HYDIN: variants seen among roughly 807,000 people sequenced by gnomAD.
HYDIN encodes the protein HYDIN axonemal central pair apparatus protein, also known as axonemal central pair apparatus protein HYDIN.
In HYDIN, 132 loss-of-function variants were observed where a neutral mutation model predicts 403.9. The observed-to-expected ratio is 0.33, with a 90% CI of 0.28 to 0.38. The LOEUF is 0.38. HYDIN is among the 10% of genes least tolerant of loss of function. HYDIN has a pLI of 1.00. For missense variants in HYDIN, 2,827 were observed against 5,009.5 expected, an observed-to-expected ratio of 0.56 and a Z score of 13.15; for synonymous variants, 1,202 against 1,891.7, an observed-to-expected ratio of 0.64 and a Z score of 9.46.
intron 12 of HYDIN, among the ~76,000 whole-genome samples, chr16:71,083,582 C>T (rs1013693919): frequency 7.1e-6 from 1 of 141,832 alleles, no homozygotes; most frequent in Non-Finnish European, 1.5e-5. Context: ...CATTCCTCCA[C>T]CTTTTCACCA....
chr16:70,994,671 C>G (rs1050256143), intron 23 of HYDIN, among the ~76,000 whole-genome samples: 1 of 148,972 alleles, frequency 6.7e-6, no homozygotes, highest in Non-Finnish European at 1.5e-5. Flanking sequence ...ACAGCCTTCC[C>G]AGGCAATTCT....
intron 84 of HYDIN, among the ~76,000 whole-genome samples, chr16:70,810,640 A>C (rs1420939608): frequency 6.6e-6 from 1 of 152,068 alleles, no homozygotes; most frequent in African/African-American, 2.4e-5. Context: ...AACCAGGCTG[A>C]CCAACATGGT....
At chr16:70,909,974 G>A (rs1421659623) in intron 47 of HYDIN, among the ~76,000 whole-genome samples, 1 of 151,048 alleles carries the variant, frequency 6.6e-6, no homozygotes, top group Non-Finnish European at 1.5e-5. Flanking sequence ...TTACAGGCGT[G>A]AGCCACCGCG....
intron 10 of HYDIN, among the ~76,000 whole-genome samples, chr16:71,112,197 G>A (rs143503261): frequency 0.016 from 2,370 of 152,198 alleles, 25 homozygotes; most frequent in Non-Finnish European, 0.027. Context: ...TGTCAAGTGA[G>A]TATGAAGGCA....
chr16:70,995,437 G>A (rs937684852), intron 23 of HYDIN, among the ~76,000 whole-genome samples: 9 of 152,016 alleles, frequency 5.9e-5, no homozygotes, highest in Admixed American at 5.2e-4. Context: ...TCAGACACCC[G>A]CTCATCAGCA....
At chr16:71,175,039 C>A (rs1219775421) in intron 5 of HYDIN, among the ~76,000 whole-genome samples, 20 of 147,024 alleles carry the variant, frequency 1.4e-4, no homozygotes, top group Non-Finnish European at 2.0e-4. Flanking sequence ...GCCTATACCA[C>A]CATCAATGAC....
intron 5 of HYDIN, among the ~76,000 whole-genome samples, chr16:71,167,167 T>C (rs1164766702): frequency 6.6e-6 from 1 of 152,060 alleles, no homozygotes; most frequent in African/African-American, 2.4e-5. Context: ...GGTTTCCAGA[T>C]GGTAATGCCA....
intron 7 of HYDIN, among the ~76,000 whole-genome samples, chr16:71,150,662 T>C (rs3114616): frequency 0.67 from 100,311 of 149,056 alleles, 35,566 homozygotes; most frequent in African/African-American, 0.91. Context: ...TTTCCTAGCA[T>C]GGAGGCAAAA....
intron 30 of HYDIN, among the ~76,000 whole-genome samples, chr16:70,977,193 A>G (rs2078912494): frequency 6.9e-6 from 1 of 145,940 alleles, no homozygotes; most frequent in Admixed American, 7.0e-5. Context: ...CTGGCAGGAG[A>G]AGGCAGAGGC....
chr16:70,961,567 C>G (rs1361150528), intron 38 of HYDIN, among the ~76,000 whole-genome samples: 1 of 152,158 alleles, frequency 6.6e-6, no homozygotes, highest in Admixed American at 6.5e-5. Flanking sequence ...AAAATGGGGC[C>G]ATAATGCTGG....
At chr16:71,070,223 C>T (rs891931260) in intron 13 of HYDIN, among the ~76,000 whole-genome samples, 3 of 152,174 alleles carry the variant, frequency 2.0e-5, no homozygotes, top group Middle Eastern at 6.8e-3. Context: ...AAGCAATACA[C>T]TAAGCTCTGA....
intron 53 of HYDIN, among the ~76,000 whole-genome samples, chr16:70,899,788 C>G (rs778576009): frequency 1.6e-4 from 24 of 152,198 alleles, no homozygotes; most frequent in Non-Finnish European, 2.8e-4. Context: ...ATTAGAGAAG[C>G]CCAGTTGAAA....
At chr16:71,015,616 C>T (rs2080231324) in intron 23 of HYDIN, among the ~76,000 whole-genome samples, 2 of 151,878 alleles carry the variant, frequency 1.3e-5, no homozygotes, top group South Asian at 4.2e-4. Flanking sequence ...ATGCTCAGGC[C>T]CAGGACCGGC....
Position 70,868,769 on chromosome 16 carries a change from C to G in HYDIN, c.11111G>C (p.Gly3704Ala). ...FSPQMGHLHPGCAKDIVVTMK... is the reference protein window; with the variant it reads ...FSPQMGHLHPACAKDIVVTMK... ...GGTCACCACTATGTCCTTGGCACACCCAGGGTGGAGGTGGCCCATCTAGGA... is the reference window on the plus strand; with the variant it reads ...GGTCACCACTATGTCCTTGGCACACGCAGGGTGGAGGTGGCCCATCTAGGA... Residue 3704 changes from glycine (G) to alanine (A), a missense_variant, in exon 66 of 86, where the codon GGG becomes GCG. Gly to Ala is a moderately conservative substitution (Grantham distance 60). Coordinates refer to ENST00000393567, the MANE Select transcript of HYDIN (RefSeq NM_001270974.2). 1 of 1,613,788 alleles carries G rather than the reference C, an allele frequency of 6.2e-7. No individual in the cohort carries two copies.
chr16:70,867,955 C>T (rs950491982), intron 66 of HYDIN, among the ~76,000 whole-genome samples: 14 of 152,092 alleles, frequency 9.2e-5, no homozygotes, highest in Non-Finnish European at 1.6e-4. Flanking sequence ...AGGCATGAGC[C>T]ACTGTGCCTG....
intron 75 of HYDIN, among the ~76,000 whole-genome samples, chr16:70,841,033 A>C (rs997431020): frequency 1.3e-5 from 2 of 152,066 alleles, no homozygotes; most frequent in Admixed American, 6.6e-5. Context: ...TAGAATAAAC[A>C]GTAGAATAAA....
At chr16:71,060,132 C>T (rs910087801) in intron 18 of HYDIN, among the ~76,000 whole-genome samples, 4 of 151,454 alleles carry the variant, frequency 2.6e-5, no homozygotes. Context: ...AGGGCTGGGG[C>T]TGGGCTTAGG....
chr16:70,978,722 T>C (rs1248766658), intron 30 of HYDIN, among the ~76,000 whole-genome samples, 192 bp downstream of exon 30: 2 of 152,202 alleles, frequency 1.3e-5, no homozygotes, highest in African/African-American at 4.8e-5. Context: ...CCTGATTCTT[T>C]GCCTTATCTC....
At chr16:70,977,558 G>C (rs1463063192) in intron 30 of HYDIN, among the ~76,000 whole-genome samples, 1 of 151,102 alleles carries the variant, frequency 6.6e-6, no homozygotes, top group Non-Finnish European at 1.5e-5. Flanking sequence ...CCCCACATTA[G>C]AGCCCCCTCT....
Sources: allele counts gnomAD v4.1 joint callset (sites outside exome capture counted in the v4.1 genomes callset), GRCh38; gene constraint gnomAD v4.1.1; transcripts MANE v1.5; gene names NCBI Gene and HGNC (gene_info 2026-07-23, HGNC 2026-07-21).